Variants in TPRG1 observed in about 807,000 individuals in gnomAD.
TPRG1 encodes the protein tumor protein p63 regulated 1.
Under a neutral mutation model 29.3 loss-of-function variants are expected in TPRG1, and 29 were observed. The observed-to-expected ratio is 0.99, with a 90% confidence interval of 0.74 to 1.35. The LOEUF (loss-of-function observed/expected upper bound fraction) is 1.35, where lower values mean the gene tolerates loss of function less well. Among genes scored for constraint, TPRG1 ranks in the 40% most tolerant of loss-of-function variants. TPRG1 has a pLI of 0.00. For missense variants in TPRG1, 327 were observed against 335.0 expected (o/e 0.98, Z 0.19); for synonymous variants, 130 against 116.8 (o/e 1.11, Z -0.73).
At chr3:189,086,756 G>C (rs1445637436) in intron 4 of TPRG1, among the ~76,000 whole-genome samples, 1 of 151,916 alleles carries the variant, frequency 6.6e-6, no homozygotes, top group African/African-American at 2.4e-5. Context: ...CGAACTCCTG[G>C]AGGAGTTTTT....
upstream of TPRG1, among the ~76,000 whole-genome samples, chr3:189,168,454 T>C (rs1420952562): frequency 6.6e-6 from 1 of 152,220 alleles, no homozygotes; most frequent in East Asian, 1.9e-4. Flanking sequence ...GTATATTCAT[T>C]CGTTTACTCA....
chr3:189,243,071 T>A (rs1423867288), intron 4 of TPRG1, among the ~76,000 whole-genome samples: 2 of 152,172 alleles, frequency 1.3e-5, no homozygotes, highest in African/African-American at 4.8e-5. Flanking sequence ...AAGAAATATT[T>A]AAGACCAGGT....
intron 1 of TPRG1, among the ~76,000 whole-genome samples, chr3:189,185,749 C>A (rs1312246104): frequency 6.6e-6 from 1 of 152,126 alleles, no homozygotes; most frequent in Non-Finnish European, 1.5e-5. Context: ...ATCTTTTAAA[C>A]CTTCTCCTTC....
intron 4 of TPRG1, among the ~76,000 whole-genome samples, chr3:189,084,534 A>C (rs1717810374): frequency 6.6e-6 from 1 of 152,228 alleles, no homozygotes; most frequent in Non-Finnish European, 1.5e-5. Context: ...CCATGTATGC[A>C]ACTTAAAGAT....
chr3:189,075,766 A>G (rs953400975), intron 4 of TPRG1, among the ~76,000 whole-genome samples: 1 of 152,162 alleles, frequency 6.6e-6, no homozygotes, highest in Non-Finnish European at 1.5e-5. Flanking sequence ...ATCTTCAGGG[A>G]TAAAATTGGC....
At chr3:189,176,767 T>C (rs1262364856) in intron 1 of TPRG1, among the ~76,000 whole-genome samples, 3 of 152,010 alleles carry the variant, frequency 2.0e-5, no homozygotes, top group African/African-American at 4.8e-5. Context: ...CTTTGAAAAA[T>C]AAGGCGTGGA....
At chr3:189,278,575 G>A (rs1300859045) in intron 4 of TPRG1, among the ~76,000 whole-genome samples, 1 of 152,048 alleles carries the variant, frequency 6.6e-6, no homozygotes, top group Non-Finnish European at 1.5e-5. Flanking sequence ...CATCATGGAG[G>A]AAAAAAGGTA....
At chr3:189,167,001 A>G (rs977555757), upstream of TPRG1, among the ~76,000 whole-genome samples, 1 of 152,218 alleles carries the variant, frequency 6.6e-6, no homozygotes. Flanking sequence ...AATTAATGCC[A>G]AGAAGAGGTG....
At chr3:189,138,444 T>C (rs1724063474) in intron 3 of TPRG1, among the ~76,000 whole-genome samples, 10 of 152,154 alleles carry the variant, frequency 6.6e-5, no homozygotes, top group Admixed American at 6.5e-4. Flanking sequence ...TCTCACCCAC[T>C]TCCCAGCACA....
chr3:189,258,358 C>G (rs1247333647), intron 4 of TPRG1, among the ~76,000 whole-genome samples: 1 of 152,092 alleles, frequency 6.6e-6, no homozygotes, highest in African/African-American at 2.4e-5. Flanking sequence ...AGATTGCTGC[C>G]TGCTCCTTCC....
intron 4 of TPRG1, among the ~76,000 whole-genome samples, chr3:189,052,857 A>C (rs1715417517): frequency 6.6e-6 from 1 of 152,204 alleles, no homozygotes; most frequent in Non-Finnish European, 1.5e-5. Flanking sequence ...ATTGTATGTT[A>C]TCACTGATAT....
At chr3:189,078,294 T>A (rs1430970619) in intron 4 of TPRG1, among the ~76,000 whole-genome samples, 1 of 151,770 alleles carries the variant, frequency 6.6e-6, no homozygotes, top group Non-Finnish European at 1.5e-5. Flanking sequence ...TGTGCCACCA[T>A]GCTTGGCTAA....
intron 3 of TPRG1, among the ~76,000 whole-genome samples, chr3:189,135,885 C>T (rs556178817): frequency 2.6e-5 from 4 of 152,130 alleles, no homozygotes; most frequent in East Asian, 1.9e-4. Flanking sequence ...AGAAATCCTA[C>T]GCATATTTCA....
chr3:189,282,249 G>A (rs1271144094), intron 4 of TPRG1, among the ~76,000 whole-genome samples: 1 of 142,224 alleles, frequency 7.0e-6, no homozygotes, highest in Non-Finnish European at 1.5e-5. Flanking sequence ...AGCATAGGTA[G>A]TGGAATCTTA....
In TPRG1 at chr3:189,296,988, C is replaced by T. The variant is rs1297151369; in HGVS notation, c.480-13398C>T. On this transcript the variant is annotated intron_variant, in intron 4 of 5. Transcript: ENST00000345063. ...GATAAACCCTCTTCTTCTTCTTCTT[C>T]TTTTTTTCTGAAACAGGATTTTACT... Among the ~76,000 whole-genome samples, 3 of 149,618 alleles carry T rather than the reference C, an allele frequency of 2.0e-5. No homozygotes were observed. The South Asian group carries it at 6.3e-4, about 32-fold the overall frequency.
intron 1 of TPRG1, among the ~76,000 whole-genome samples, chr3:189,117,563 A>G (rs551275568): frequency 1.3e-5 from 2 of 152,288 alleles, no homozygotes; most frequent in African/African-American, 4.8e-5. Context: ...CCTCACCCAA[A>G]TCTCATCTTG....
In TPRG1 at chr3:189,059,128, TAA is replaced by T. The variant is rs1715924293; in HGVS notation, c.-463+35185_-463+35186del. On this transcript the variant is annotated intron_variant, in intron 4 of 10. Transcript: ENST00000433971. ...TAGCGAGCCTCAGTTTCCTGATGTC[TAA>T]AATTTAAATAATAATATCTAATTCA... 2.6e-5 allele frequency among the ~76,000 whole-genome samples: 4 copies of T among 152,318 alleles called. No individual in the cohort carries two copies. The South Asian group carries it at 8.3e-4, about 32-fold the overall frequency.
chr3:189,187,301 T>G (rs748789194), intron 1 of TPRG1, among the ~76,000 whole-genome samples: 1 of 147,004 alleles, frequency 6.8e-6, no homozygotes, highest in Non-Finnish European at 1.5e-5. Flanking sequence ...TCTAACTTTT[T>G]TTTGTTTGTT....
At chr3:189,000,995 A>C (rs1711992669) in intron 2 of TPRG1, 1 of 152,126 alleles carries the variant, frequency 6.6e-6, no homozygotes, top group South Asian at 2.1e-4. Flanking sequence ...TGGTCTCCCA[A>C]AGTGTTGGGA....
Sources: gnomAD v4.1 joint callset for allele counts (sites outside exome capture counted in the v4.1 genomes callset) on GRCh38, gnomAD v4.1.1 for gene constraint, MANE v1.5 for transcripts, NCBI Gene and HGNC (gene_info 2026-07-23, HGNC 2026-07-21) for gene names.